The following SORCS3 variants were observed in gnomAD, a reference collection of about 807,000 sequenced individuals.
The protein encoded by SORCS3 is sortilin related VPS10 domain containing receptor 3, also known as VPS10 domain-containing receptor SorCS3.
A neutral mutation model predicts 146.3 loss-of-function variants in SORCS3; 57 were observed. The observed-to-expected ratio is 0.39, with a 90% CI of 0.31 to 0.49. The LOEUF (loss-of-function observed/expected upper bound fraction) is 0.49, where lower values mean the gene tolerates loss of function less well. SORCS3 is among the 20% of genes least tolerant of loss of function. The probability of loss-of-function intolerance (pLI) is 0.92; values close to 1 mark genes in which losing one functional copy is unlikely to be tolerated. For synonymous variants in SORCS3, 653 were observed against 618.5 expected, an observed-to-expected ratio of 1.06 and a Z score of -0.83; for missense variants, 1,341 against 1,575.5, an observed-to-expected ratio of 0.85 and a Z score of 2.52.
At chr10:104,978,540 C>T (rs1458626925) in intron 4 of SORCS3, among the ~76,000 whole-genome samples, 3 of 152,134 alleles carry the variant, frequency 2.0e-5, no homozygotes, top group Non-Finnish European at 4.4e-5. Context: ...CATTTAATTG[C>T]AAAATTAGAA....
chr10:104,848,308 C>T (rs145546946), intron 2 of SORCS3, among the ~76,000 whole-genome samples: 1 of 152,084 alleles, frequency 6.6e-6, no homozygotes, highest in East Asian at 1.9e-4. Context: ...CTGTCAGTGA[C>T]CTTTCTCGGG....
intron 13 of SORCS3, among the ~76,000 whole-genome samples, chr10:105,169,316 G>A (rs2056340906): frequency 6.6e-6 from 1 of 152,090 alleles, no homozygotes; most frequent in African/African-American, 2.4e-5. Flanking sequence ...CTCAAGATAA[G>A]GTGTTTAGGC....
At chr10:105,051,600 A>G (rs760031193) in intron 5 of SORCS3, among the ~76,000 whole-genome samples, 1 of 152,090 alleles carries the variant, frequency 6.6e-6, no homozygotes, top group Non-Finnish European at 1.5e-5. Flanking sequence ...ATAGCTTGAG[A>G]TGGCTTCCTG....
At chr10:105,232,334 T>C (rs1170630856) in intron 20 of SORCS3, among the ~76,000 whole-genome samples, 2 of 152,110 alleles carry the variant, frequency 1.3e-5, no homozygotes, top group Non-Finnish European at 2.9e-5. Context: ...CATAGAAGTG[T>C]TTATCATACT....
intron 6 of SORCS3, among the ~76,000 whole-genome samples, chr10:105,094,962 A>G (rs903597900): frequency 6.6e-6 from 1 of 152,228 alleles, no homozygotes; most frequent in Non-Finnish European, 1.5e-5. Flanking sequence ...GCCACAGTTC[A>G]TGCTGCACAC....
At chr10:104,752,248 C>T (rs2016997258) in intron 1 of SORCS3, among the ~76,000 whole-genome samples, 1 of 151,832 alleles carries the variant, frequency 6.6e-6, no homozygotes, top group African/African-American at 2.4e-5. Context: ...GTTGGCCAGG[C>T]TGGTCTTGAA....
chr10:105,195,097 G>A (rs955784220), intron 14 of SORCS3, among the ~76,000 whole-genome samples: 1 of 152,122 alleles, frequency 6.6e-6, no homozygotes, highest in African/African-American at 2.4e-5. Flanking sequence ...TTTTAATGAT[G>A]CTCCATGCCT....
intron 16 of SORCS3, among the ~76,000 whole-genome samples, chr10:105,209,009 T>G (rs960924078): frequency 6.6e-5 from 10 of 152,296 alleles, no homozygotes; most frequent in African/African-American, 2.2e-4. Flanking sequence ...TCCATGATTC[T>G]TGTCACATTA....
intron 3 of SORCS3, among the ~76,000 whole-genome samples, chr10:104,949,419 A>T (rs900870104): frequency 1.3e-5 from 2 of 152,174 alleles, no homozygotes; most frequent in Non-Finnish European, 2.9e-5. Context: ...ATTTTTTCCC[A>T]GTAAGAGAGT....
intron 2 of SORCS3, among the ~76,000 whole-genome samples, chr10:104,876,241 T>G (rs989147331): frequency 6.6e-6 from 1 of 152,162 alleles, no homozygotes; most frequent in Non-Finnish European, 1.5e-5. Flanking sequence ...TTATAGCCGG[T>G]TTGTGTTGGA....
At chr10:104,669,533 C>A (rs574699453) in intron 1 of SORCS3, among the ~76,000 whole-genome samples, 1 of 152,310 alleles carries the variant, frequency 6.6e-6, no homozygotes, top group Non-Finnish European at 1.5e-5. Flanking sequence ...ATGATGCCCT[C>A]AAGGTTCATC....
intron 1 of SORCS3, among the ~76,000 whole-genome samples, chr10:104,798,864 C>A (rs1264730072): frequency 2.0e-5 from 3 of 152,048 alleles, no homozygotes; most frequent in African/African-American, 4.8e-5. Flanking sequence ...AAAAAAACAA[C>A]CCCATTAAAA....
chr10:105,012,978 T>G (rs2055143797), intron 4 of SORCS3, among the ~76,000 whole-genome samples: 1 of 152,182 alleles, frequency 6.6e-6, no homozygotes, highest in Non-Finnish European at 1.5e-5. Context: ...GATAACAAAC[T>G]GAACCCAGCA....
chr10:104,877,276 G>A (rs2018586112), intron 2 of SORCS3, among the ~76,000 whole-genome samples: 1 of 152,086 alleles, frequency 6.6e-6, no homozygotes, highest in African/African-American at 2.4e-5. Flanking sequence ...CGTCTTAAAT[G>A]TCTTTCTTTC....
intron 4 of SORCS3, among the ~76,000 whole-genome samples, chr10:104,988,240 C>T (rs1276948556): frequency 1.3e-5 from 2 of 152,176 alleles, no homozygotes; most frequent in Admixed American, 6.5e-5. Flanking sequence ...GGTGGGCTTT[C>T]CCTTGCCTTA....
At chr10:104,919,974 C>G (rs550121691) in intron 3 of SORCS3, among the ~76,000 whole-genome samples, 30 of 152,274 alleles carry the variant, frequency 2.0e-4, no homozygotes, top group African/African-American at 7.0e-4. Context: ...TAGTCTAGAG[C>G]TCTGGAACCA....
At chr10:105,161,711 GC>G (rs2056264817) in intron 11 of SORCS3, among the ~76,000 whole-genome samples, 1 of 152,158 alleles carries the variant, frequency 6.6e-6, no homozygotes, top group African/African-American at 2.4e-5. Flanking sequence ...TCCAAAGCTT[GC>G]TTTTCTTGCC....
intron 5 of SORCS3, among the ~76,000 whole-genome samples, chr10:105,050,323 G>A (rs1040177595): frequency 6.6e-6 from 1 of 151,904 alleles, no homozygotes; most frequent in African/African-American, 2.4e-5. Context: ...AGCTTTTTTG[G>A]GGAGTAGGTT....
intron 2 of SORCS3, among the ~76,000 whole-genome samples, chr10:104,902,238 T>C (rs1041593679): frequency 1.3e-5 from 2 of 152,200 alleles, no homozygotes; most frequent in Admixed American, 6.5e-5. Flanking sequence ...GTCCTGATGA[T>C]TGTTAACTGG....
Sources: gnomAD v4.1 joint callset for allele counts (sites outside exome capture counted in the v4.1 genomes callset) on GRCh38, gnomAD v4.1.1 for gene constraint, MANE v1.5 for transcripts, NCBI Gene and HGNC (gene_info 2026-07-23, HGNC 2026-07-21) for gene names.